TTN: variants seen among roughly 807,000 people sequenced by gnomAD.
The protein encoded by TTN is connectin.
A neutral mutation model predicts 3,223.0 loss-of-function variants in TTN; 1,525 were observed. That is an observed-to-expected ratio of 0.47 (90% CI 0.45 to 0.49). The LOEUF is 0.49. Ranked by LOEUF, TTN falls within the 20% of genes least tolerant of loss-of-function variation. The pLI, the probability that TTN is intolerant of heterozygous loss-of-function variation, is 0.00. For missense variants in TTN, 40,786 were observed against 43,424.0 expected, an observed-to-expected ratio of 0.94 and a Z score of 5.40; for synonymous variants, 14,094 against 15,161.0, an observed-to-expected ratio of 0.93 and a Z score of 5.17.
At chr2:178,682,620 T>C (rs1037239380) in intron 135 of TTN, 77 bp downstream of exon 135, 1 of 1,346,686 alleles carries the variant, frequency 7.4e-7, no homozygotes, top group Admixed American at 2.8e-5. Flanking sequence ...TTTTATCTTG[T>C]TATGATTTAT....
chr2:178,748,292 TC>T, intron 47 of TTN: 1 of 1,612,872 alleles, frequency 6.2e-7, no homozygotes, highest in Non-Finnish European at 8.5e-7. Flanking sequence ...ATGTCGGACT[TC>T]TTTTTCTAAA....
In TTN at chr2:178,718,070, C is replaced by A; in HGVS notation, c.24936G>T (p.Met8312Ile). The A allele has an allele frequency of 6.2e-7, 1 of 1,613,660 alleles. No homozygotes were observed. The highest frequency in any genetic ancestry group is 8.5e-7 in the Non-Finnish European group (1 of 1,179,706). Residue 8312 changes from methionine to isoleucine, a missense_variant, in exon 86 of 363, where the codon ATG (methionine) becomes ATT (isoleucine). Physicochemically the swap from Met to Ile is conservative, Grantham distance 10. Coordinates refer to ENST00000589042, the MANE Select transcript of TTN (RefSeq NM_001267550.2). ...AGGAAGCAACGTTATTTTTGAATTG[C>A]ATTTTATATGCAGGAGCTGATCGTA... ...TKLRSAPAYK[M>I]QFKNNVASLV...
chr2:178,723,948 T>C lies in TTN; in HGVS notation c.21311A>G (p.Asn7104Ser), dbSNP rs1684986089. Reference sequence around the variant, plus strand: ...GCCCATATCTGAGGAATCCAGAGAATTCAACTGCAATGTGCAGACATTATC... The same window carrying C: ...GCCCATATCTGAGGAATCCAGAGAACTCAACTGCAATGTGCAGACATTATC... ...FSDNVCTLQL[N>S]SLDSSDMGNY... Residue 7104 changes from asparagine to serine, a missense_variant, in exon 73 of 363, where the codon AAT (asparagine) becomes AGT (serine). Coordinates refer to ENST00000589042, the MANE Select transcript of TTN (RefSeq NM_001267550.2). 1 of 1,613,480 alleles carries C rather than the reference T, an allele frequency of 6.2e-7. No homozygotes were observed.
chr2:178,581,161 A>G (rs2047647755), intron 316 of TTN, among the ~76,000 whole-genome samples: 1 of 152,060 alleles, frequency 6.6e-6, no homozygotes, highest in African/African-American at 2.4e-5. Context: ...GGAAAACAGA[A>G]ACCCTAAGAA....
In TTN at chr2:178,758,970, T is replaced by C; in HGVS notation, c.10303+14A>G. On this transcript the variant is annotated intron_variant, in intron 44 of 362. Coordinates refer to ENST00000589042, the MANE Select transcript of TTN (RefSeq NM_001267550.2). The stretch of plus-strand genomic sequence containing the variant: ...CTATATTTAAATGGGGTTCTGAAAG[T>C]TGTTTTACTTTACCTTCCAGACTCA... 1 of 1,612,930 alleles carries C rather than the reference T, an allele frequency of 6.2e-7. No homozygotes were observed. The highest frequency in any genetic ancestry group is 8.5e-7 in the Non-Finnish European group (1 of 1,179,002).
rs1468593257 is a variant in TTN, at chr2:178,527,251, C to A, written c.107737G>T (p.Val35913Phe). The change falls in exon 363 of 363, where the codon GTT (valine) becomes TTT (phenylalanine). Residue 35913 changes from valine to phenylalanine, a missense_variant. Transcript: ENST00000589042. Reference protein sequence around the residue: ...PSDISIDEGKVLTVACAFTGE... With the variant: ...PSDISIDEGKFLTVACAFTGE... ...GTGAAAGCACAGGCTACTGTTAGAA[C>A]TTTGCCTTCATCAATGCTGATATCA... 6.2e-7 allele frequency: 1 copy of A among 1,613,198 alleles called. No homozygotes were observed. The highest frequency in any genetic ancestry group is 8.5e-7 in the Non-Finnish European group (1 of 1,179,334).
intron 168 of TTN, 86 bp downstream of exon 168, chr2:178,664,374 A>G: frequency 9.3e-7 from 1 of 1,070,024 alleles, no homozygotes. Flanking sequence ...ACATGTACAC[A>G]TCAAAATAAT....
In TTN at chr2:178,746,916, A is replaced by G. The variant is rs921768334; in HGVS notation, c.11312-4995T>C. The G allele has an allele frequency of 8.7e-6, 14 of 1,613,436 alleles. No individual in the cohort carries two copies. The highest frequency in any genetic ancestry group is 1.6e-4 in the Middle Eastern group (1 of 6,080). On this transcript the variant is annotated intron_variant, in intron 47 of 362. Coordinates refer to ENST00000589042, the MANE Select transcript of TTN (RefSeq NM_001267550.2). ...GGTGTACCAAATGAATCGGAACGCC[A>G]TATTTCATAAGCTGAACCCCTCTCT...
Position 178,601,466 on chromosome 2 carries a change from T to A in TTN, c.55531A>T (p.Ile18511Phe), listed in dbSNP as rs757290658. The change falls in exon 287 of 363, where the codon ATC (isoleucine) becomes TTC (phenylalanine). Residue 18511 changes from isoleucine to phenylalanine, a missense_variant. Ile to Phe is a conservative substitution (Grantham distance 21, BLOSUM62 0). Coordinates refer to ENST00000589042, the MANE Select transcript of TTN (RefSeq NM_001267550.2). Reference protein sequence around the residue: ...KMPDDDGGDRIKGYVIEKRTI... With the variant: ...KMPDDDGGDRFKGYVIEKRTI... ...CTCTTCTCAATAACATAGCCTTTGA[T>A]CCTGTCTCCTCCATCGTCGTCTGGC... 1.2e-6 allele frequency: 2 copies of A among 1,612,924 alleles called. No individual in the cohort carries two copies. The highest frequency in any genetic ancestry group is 1.7e-6 in the Non-Finnish European group (2 of 1,179,362).
Position 178,530,069 on chromosome 2 carries a change from C to T in TTN, c.106422G>A (p.Gly35474=), listed in dbSNP as rs779310314. The T allele has an allele frequency of 1.2e-6, 2 of 1,611,270 alleles. No individual in the cohort carries two copies. Among genetic ancestry groups the T allele is most frequent in the Non-Finnish European group, 8.5e-7 (1 of 1,179,162 alleles). The change falls in exon 359 of 363, where the codon GGG becomes GGA. Residue 35474 remains glycine, a synonymous_variant. Coordinates refer to ENST00000589042, the MANE Select transcript of TTN (RefSeq NM_001267550.2). ...GKYKLSEDKG[G]FFLEIHKTDT... ...CAGTCTTATGAATTTCTAAGAAGAA[C>T]CCTCCCTTGTCTTCAGAGAGTTTAT...
intron 18 of TTN, 82 bp from the exon 19 acceptor site, chr2:178,782,684 A>G: frequency 6.2e-7 from 1 of 1,604,090 alleles, no homozygotes; most frequent in Non-Finnish European, 8.5e-7. Context: ...TGACCATATA[A>G]TCTCCCCCCA....
At chr2:178,652,612 A>G (rs1280619475) in intron 201 of TTN, 41 bp downstream of exon 201, 3 of 1,612,458 alleles carry the variant, frequency 1.9e-6, no homozygotes, top group Non-Finnish European at 2.5e-6. Context: ...TCAAGAGTAG[A>G]AGAGATAGAT....
Position 178,790,011 on chromosome 2 carries a change from G to C in TTN, c.1905C>G (p.Thr635=), listed in dbSNP as rs1237751088. The change falls in exon 12 of 363, where the codon ACC becomes ACG. Residue 635 remains threonine, a synonymous_variant. Transcript: ENST00000589042. ...GAGTTATTTGCACTTGTTCTCTTTT[G>C]GTAGTAATGCCTTCTCTACCTCTTG... ...LVSRGREGIT[T]KREQVQITQE... is the part of the protein sequence containing the mutation. The C allele has an allele frequency of 6.2e-7, 1 of 1,612,944 alleles. No homozygotes were observed.
intron 298 of TTN, 31 bp from the exon 299 acceptor site, chr2:178,593,506 A>G: frequency 6.3e-7 from 1 of 1,598,574 alleles, no homozygotes; most frequent in Non-Finnish European, 8.5e-7. Flanking sequence ...TGCGTTAGAA[A>G]TTTATTTCTT....
rs757223139 is a variant in TTN at position 178,607,536 on chromosome 2, C to T, written c.53152G>A (p.Val17718Ile). The change falls in exon 277 of 363, where the codon GTT (valine) becomes ATT (isoleucine). Residue 17718 changes from valine to isoleucine, a missense_variant. Physicochemically the swap from Val to Ile is conservative, Grantham distance 29. Coordinates refer to ENST00000589042, the MANE Select transcript of TTN (RefSeq NM_001267550.2). ...KEEGELDKDR[V>I]VIDNVGTKSE... ...TTGGTTCCAACGTTGTCTATTACAA[C>T]ACGGTCTTTATCCAGCTCCCCTTCT... 1 of 1,613,130 alleles carries T rather than the reference C, an allele frequency of 6.2e-7. No individual in the cohort carries two copies. The highest frequency in any genetic ancestry group is 1.7e-5 in the Admixed American group (1 of 59,968).
At position 178,675,717 on chromosome 2, in the gene TTN, C is replaced by T. The variant is rs764860706; in HGVS notation, c.34491G>A (p.Lys11497=). Residue 11497 remains lysine (K), a synonymous_variant, in exon 149 of 363, where the codon AAG becomes AAA. Transcript: ENST00000589042. ...CTTTCTTAAGACCAGGAGGAGGGAC[C>T]TTCTTTTCTGGCTCAGGTTTCTTAG... ...VVPKKPEPEK[K]VPPPGLKKAV... 6 of 1,430,032 alleles carry T rather than the reference C, an allele frequency of 4.2e-6. No individual in the cohort carries two copies. The South Asian group carries it at 9.7e-5, about 23-fold the overall frequency. The allele number at this position is 1,430,032 out of a possible 1,614,324, so 88.6% of individuals were successfully genotyped here.
rs1308152783 is a variant in TTN, at chr2:178,653,256, C to T, written c.38773G>A (p.Glu12925Lys). ...KVPLAPPKKP[E>K]VPPVKVPEAP... The stretch of plus-strand genomic sequence containing the variant: ...CAAATACCTTTAACAGGTGGGACTT[C>T]AGGCTTTTTAGGAGGAGCCAAGGGC... The change falls in exon 198 of 363, where the codon GAA becomes AAA. Residue 12925 changes from glutamate (E) to lysine (K), a missense_variant. Coordinates refer to ENST00000589042, the MANE Select transcript of TTN (RefSeq NM_001267550.2). 1 of 1,612,168 alleles carries T rather than the reference C, an allele frequency of 6.2e-7. No individual in the cohort carries two copies. The highest frequency in any genetic ancestry group is 1.7e-5 in the Admixed American group (1 of 59,794).
rs1324632548 is a variant in TTN at position 178,569,691 on chromosome 2, T to C, written c.76441A>G (p.Ile25481Val). The C allele has an allele frequency of 6.2e-7, 1 of 1,612,890 alleles. No individual in the cohort carries two copies. The highest frequency in any genetic ancestry group is 8.5e-7 in the Non-Finnish European group (1 of 1,179,494). Reference sequence around the variant, plus strand: ...ACTCCAGCTTTATTAATAGCACAGATACGGAAGTTGTATTCATGCTTTTCC... The same window carrying C: ...ACTCCAGCTTTATTAATAGCACAGACACGGAAGTTGTATTCATGCTTTTCC... ...LLEKHEYNFR[I>V]CAINKAGVGE... Residue 25481 changes from isoleucine (I) to valine (V), a missense_variant, in exon 326 of 363, where the codon ATC becomes GTC. Coordinates refer to ENST00000589042, the MANE Select transcript of TTN (RefSeq NM_001267550.2).
At position 178,789,959 on chromosome 2, in the gene TTN, C is replaced by G. The variant is rs973359835; in HGVS notation, c.1938+19G>C. 1 of 1,612,118 alleles carries G rather than the reference C, an allele frequency of 6.2e-7. No individual in the cohort carries two copies. Among genetic ancestry groups the G allele is most frequent in the Non-Finnish European group, 8.5e-7 (1 of 1,178,908 alleles). On this transcript the variant is annotated intron_variant, in intron 12 of 362. Transcript: ENST00000589042. ...TAGTTTAAAGATGAACTTTTCACAG[C>G]TCAAATATCTGTATTCACCTTCTCC...
Sources: allele counts gnomAD v4.1 joint callset (sites outside exome capture counted in the v4.1 genomes callset), GRCh38; gene constraint gnomAD v4.1.1; transcripts MANE v1.5; gene names NCBI Gene and HGNC (gene_info 2026-07-23, HGNC 2026-07-21).